Variants in SNTG2 observed in about 807,000 individuals in gnomAD.
SNTG2 encodes the protein gamma-2-syntrophin.
Under a neutral mutation model 70.9 loss-of-function variants are expected in SNTG2, and 74 were observed. The observed-to-expected ratio is 1.04, with a 90% CI of 0.86 to 1.27. The LOEUF (loss-of-function observed/expected upper bound fraction) is 1.27. Among genes scored for constraint, SNTG2 ranks in the 50% most tolerant of loss-of-function variants. The probability of loss-of-function intolerance (pLI) is 0.00; values close to 1 mark genes in which losing one functional copy is unlikely to be tolerated. For missense variants in SNTG2, 717 were observed against 690.7 expected (o/e 1.04, Z -0.43); for synonymous variants, 278 against 273.8 (o/e 1.02, Z -0.15).
intron 9 of SNTG2, among the ~76,000 whole-genome samples, chr2:1,223,388 G>C (rs1675492318): frequency 6.6e-6 from 1 of 151,412 alleles, no homozygotes; most frequent in Admixed American, 6.6e-5. Context: ...TCGCTGTAGA[G>C]GAAAGCAGCG....
chr2:1,318,954 A>G (rs918385300), intron 16 of SNTG2, among the ~76,000 whole-genome samples: 1 of 152,180 alleles, frequency 6.6e-6, no homozygotes, highest in African/African-American at 2.4e-5. Context: ...AGCAGCTCCC[A>G]TGGCATCTGA....
chr2:1,161,534 C>T (rs1335743442), intron 6 of SNTG2: 1 of 152,180 alleles, frequency 6.6e-6, no homozygotes, highest in Non-Finnish European at 1.5e-5. Context: ...AGGCTTAGGG[C>T]CATGATTCCA....
chr2:1,228,099 C>T (rs1206363754), intron 9 of SNTG2, among the ~76,000 whole-genome samples: 1 of 152,178 alleles, frequency 6.6e-6, no homozygotes, highest in East Asian at 1.9e-4. Context: ...TACCATGTCT[C>T]AGATCTCAGC....
chr2:1,207,742 C>T (rs4407277), intron 8 of SNTG2, among the ~76,000 whole-genome samples: 51,311 of 152,024 alleles, frequency 0.34, 9,182 homozygotes, highest in East Asian at 0.66. Context: ...CCTGGGGAAC[C>T]GCCCCCCGTC....
chr2:1,266,872 G>C (rs1033719765), intron 13 of SNTG2, among the ~76,000 whole-genome samples: 21 of 149,054 alleles, frequency 1.4e-4, no homozygotes, highest in Non-Finnish European at 1.3e-4. Flanking sequence ...TACTACCTCA[G>C]CCTCCCAAAT....
intron 1 of SNTG2, among the ~76,000 whole-genome samples, chr2:1,076,645 T>C (rs1463100731): frequency 1.3e-5 from 2 of 152,206 alleles, no homozygotes; most frequent in Non-Finnish European, 2.9e-5. Flanking sequence ...CATACGAGAA[T>C]GATCTCAGCA....
At chr2:1,309,752 G>C (rs1680888814) in intron 15 of SNTG2, among the ~76,000 whole-genome samples, 1 of 152,252 alleles carries the variant, frequency 6.6e-6, no homozygotes, top group South Asian at 2.1e-4. Context: ...AATGACAATA[G>C]CACATATTTG....
In SNTG2 at chr2:1,237,909, C is replaced by T. The variant is rs372491691; in HGVS notation, c.741C>T (p.Leu247=). The T allele has an allele frequency of 4.2e-5, 67 of 1,604,856 alleles. No individual in the cohort carries two copies. Among genetic ancestry groups the T allele is most frequent in the East Asian group, 6.7e-5 (3 of 44,472 alleles). The change falls in exon 10 of 17, where the codon CTC becomes CTT. Residue 247 remains leucine (L), a synonymous_variant. Coordinates refer to ENST00000308624, the MANE Select transcript of SNTG2 (RefSeq NM_018968.4). ...CCAGGTGGAATGCGTTCGAGGTGCTCGCCCTGGACGGAGTCAGCTCTGGGA... is the reference window on the plus strand; with the variant it reads ...CCAGGTGGAATGCGTTCGAGGTGCTTGCCCTGGACGGAGTCAGCTCTGGGA... ...EKLRWNAFEV[L]ALDGVSSGIL...
intron 15 of SNTG2, among the ~76,000 whole-genome samples, chr2:1,309,981 G>T (rs1453127157): frequency 6.6e-6 from 1 of 152,176 alleles, no homozygotes; most frequent in Admixed American, 6.5e-5. Flanking sequence ...ACCTTACTGT[G>T]CATGTCCTTC....
At chr2:1,155,178 C>CACA (rs72116428) in intron 6 of SNTG2, among the ~76,000 whole-genome samples, 10 of 150,254 alleles carry the variant, frequency 6.7e-5, no homozygotes, top group Admixed American at 1.3e-4. Flanking sequence ...GACCCCCCCC[C>CACA]CACACACATA....
At chr2:1,242,400 C>T (rs1258994123) in intron 11 of SNTG2, among the ~76,000 whole-genome samples, 1 of 151,956 alleles carries the variant, frequency 6.6e-6, no homozygotes, top group Non-Finnish European at 1.5e-5. Context: ...AACAAAAACA[C>T]ACAAAAAACA....
chr2:1,299,732 TGAG>T (rs1276461381), intron 14 of SNTG2, among the ~76,000 whole-genome samples: 2 of 152,190 alleles, frequency 1.3e-5, no homozygotes, highest in Admixed American at 6.5e-5. Flanking sequence ...AAGCAATAAA[TGAG>T]GAGTCAGGAC....
In SNTG2 at chr2:951,057, G is replaced by A; in HGVS notation, c.61G>A (p.Val21Ile). The A allele has an allele frequency of 2.4e-6, 3 of 1,272,630 alleles. No homozygotes were observed. The allele number at this position is 1,272,630 out of a possible 1,614,324, so 78.8% of individuals were successfully genotyped here. ...CCGCGGACGCCAGGGCTGCCTGCTG[G>A]TACCTGCGCGGGTGAGTGCGGCCCC... ...ASRGRQGCLL[V>I]PARTKTTIAL... Residue 21 changes from valine (V) to isoleucine (I), a missense_variant, in exon 1 of 17, where the codon GTA (valine) becomes ATA (isoleucine). Transcript: ENST00000308624.
At chr2:1,029,775 A>G (rs1470207318) in intron 1 of SNTG2, among the ~76,000 whole-genome samples, 2 of 152,150 alleles carry the variant, frequency 1.3e-5, no homozygotes, top group Admixed American at 6.5e-5. Context: ...ACCTTGATGC[A>G]TGTCATTGGC....
At chr2:1,315,948 C>T (rs772942520) in intron 15 of SNTG2, among the ~76,000 whole-genome samples, 4 of 152,068 alleles carry the variant, frequency 2.6e-5, no homozygotes, top group African/African-American at 4.8e-5. Context: ...CAGGAAAACA[C>T]AAGGGAAGAC....
intron 4 of SNTG2, among the ~76,000 whole-genome samples, chr2:1,112,774 A>C (rs1444841429): frequency 6.6e-6 from 1 of 151,592 alleles, no homozygotes; most frequent in Middle Eastern, 3.2e-3. Context: ...TCCTTTGAGG[A>C]GGATCGTGTG....
At chr2:1,247,010 A>G (rs1288111015) in intron 11 of SNTG2, among the ~76,000 whole-genome samples, 3 of 152,220 alleles carry the variant, frequency 2.0e-5, no homozygotes, top group African/African-American at 7.2e-5. Context: ...ACTACCTTCT[A>G]ATAGAATATA....
intron 16 of SNTG2, among the ~76,000 whole-genome samples, chr2:1,359,228 C>T (rs1285282591): frequency 6.6e-6 from 1 of 152,062 alleles, no homozygotes; most frequent in Non-Finnish European, 1.5e-5. Flanking sequence ...AGTTTGTGTT[C>T]ACCGAACTAT....
At chr2:1,244,255 G>C (rs72768891) in intron 11 of SNTG2, among the ~76,000 whole-genome samples, 14,671 of 152,150 alleles carry the variant, frequency 0.096, 791 homozygotes, top group South Asian at 0.15. Flanking sequence ...TTCGCCATTC[G>C]CTCGTTTTTT....
Sources: allele counts gnomAD v4.1 joint callset (sites outside exome capture counted in the v4.1 genomes callset), GRCh38; gene constraint gnomAD v4.1.1; transcripts MANE v1.5; gene names NCBI Gene and HGNC (gene_info 2026-07-23, HGNC 2026-07-21).